Variants in DYRK4 observed in about 807,000 individuals in gnomAD.
DYRK4 encodes dual specificity tyrosine-phosphorylation-regulated kinase 4.
A neutral mutation model predicts 68.3 loss-of-function variants in DYRK4; 64 were observed. The observed-to-expected ratio is 0.94, with a 90% confidence interval of 0.77 to 1.15. The LOEUF (loss-of-function observed/expected upper bound fraction) is 1.15, where lower values mean the gene tolerates loss of function less well. Ranked by LOEUF, DYRK4 falls within the 50% of genes most tolerant of loss-of-function variation. The pLI, the probability that DYRK4 is intolerant of heterozygous loss-of-function variation, is 0.00. For synonymous variants in DYRK4, 274 were observed against 289.9 expected (o/e 0.95, Z 0.56); for missense variants, 740 against 764.7 (o/e 0.97, Z 0.38).
chr12:4,563,837 G>A (rs977366080), intron 1 of DYRK4, among the ~76,000 whole-genome samples: 1 of 152,228 alleles, frequency 6.6e-6, no homozygotes, highest in African/African-American at 2.4e-5. Context: ...AGGATAGCAA[G>A]GATCAGTGGA....
chr12:4,603,788 T>A (rs1288304083), intron 10 of DYRK4, among the ~76,000 whole-genome samples: 1 of 152,260 alleles, frequency 6.6e-6, no homozygotes, highest in Non-Finnish European at 1.5e-5. Context: ...TCTCAGATGT[T>A]GAAAGCTGTG....
At position 4,588,947 on chromosome 12, in the gene DYRK4, A is replaced by C; in HGVS notation, c.143A>C (p.Lys48Thr). The change falls in exon 3 of 15, where the codon AAA (lysine) becomes ACA (threonine). Residue 48 changes from lysine (K) to threonine (T), a missense_variant. This residue lies in a region of DYRK4 where 70 missense variants were observed against 71.1 expected (regional missense o/e 0.98). Coordinates refer to ENST00000543431, the MANE Select transcript of DYRK4 (RefSeq NM_001394779.1). Reference sequence around the variant, plus strand: ...TTCCACTTGATCCAGGTTGGAAGTAAACTTTCGGTTCAGATCCAGAAGCCA... The same window carrying C: ...TTCCACTTGATCCAGGTTGGAAGTACACTTTCGGTTCAGATCCAGAAGCCA... ...QKFTSAKVGS[K>T]LSVQIQKPPS... 6.5e-7 allele frequency: 1 copy of C among 1,536,054 alleles called. No individual in the cohort carries two copies. Among genetic ancestry groups the C allele is most frequent in the Non-Finnish European group, 8.7e-7 (1 of 1,146,876 alleles).
intron 9 of DYRK4, 109 bp downstream of exon 9, chr12:4,599,275 T>TG: frequency 1.5e-6 from 1 of 646,054 alleles, no homozygotes; most frequent in Non-Finnish European, 2.2e-6. Flanking sequence ...TTTGACTTTT[T>TG]TTTTTTTTTT....
intron 2 of DYRK4, among the ~76,000 whole-genome samples, chr12:4,582,265 A>G (rs1369611286): frequency 6.6e-6 from 1 of 152,032 alleles, no homozygotes; most frequent in Non-Finnish European, 1.5e-5. Context: ...ACCAACATAG[A>G]GAAACCCCAT....
intron 13 of DYRK4, among the ~76,000 whole-genome samples, chr12:4,610,687 A>C (rs1371748360): frequency 6.6e-6 from 1 of 152,190 alleles, no homozygotes; most frequent in Non-Finnish European, 1.5e-5. Context: ...AATGATTTGC[A>C]TACACATCCA....
At chr12:4,572,412 G>A (rs1055894746) in intron 2 of DYRK4, among the ~76,000 whole-genome samples, 1 of 152,154 alleles carries the variant, frequency 6.6e-6, no homozygotes, top group Non-Finnish European at 1.5e-5. Context: ...CTCCGGAGTA[G>A]CTGGGACTAC....
At chr12:4,596,524 C>G (rs549665520) in intron 7 of DYRK4, 65 bp from the exon 8 acceptor site, 10 of 1,571,110 alleles carry the variant, frequency 6.4e-6, no homozygotes, top group Admixed American at 1.9e-5. Context: ...ACTGCTGCAG[C>G]GGGACCTGAC....
intron 13 of DYRK4, 101 bp from the exon 14 acceptor site, chr12:4,612,442 C>A: frequency 1.6e-6 from 2 of 1,259,798 alleles, no homozygotes; most frequent in Non-Finnish European, 2.2e-6. Context: ...TTTGAGATAT[C>A]AACATAGCTT....
Position 4,613,225 on chromosome 12 carries a change from T to G in DYRK4, c.1667-290T>G, listed in dbSNP as rs947033104. On this transcript the variant is annotated intron_variant, in intron 14 of 14. Coordinates refer to ENST00000543431, the MANE Select transcript of DYRK4 (RefSeq NM_001394779.1). The surrounding 1 kb of genome is among the most constrained non-coding windows in gnomAD (Gnocchi z 4.0). ...GAGTCAGGTTACCTGGGGATTAAAT[T>G]CTGGTTCTACCACTTATCAGGTGTG... is the stretch of plus-strand genomic sequence containing the variant. Among the ~76,000 whole-genome samples the G allele has an allele frequency of 4.6e-5, 7 of 152,182 alleles. No homozygotes were observed. The highest frequency in any genetic ancestry group is 1.7e-4 in the African/African-American group (7 of 41,448).
chr12:4,581,791 T>C (rs1406636787), intron 2 of DYRK4, among the ~76,000 whole-genome samples: 1 of 152,156 alleles, frequency 6.6e-6, no homozygotes, highest in East Asian at 1.9e-4. Context: ...TCCTCCTCCT[T>C]TAGCAAATAT....
Position 4,593,017 on chromosome 12 carries a change from T to A in DYRK4, c.479T>A (p.Phe160Tyr). Residue 160 changes from phenylalanine (F) to tyrosine (Y), a missense_variant, in exon 6 of 15, where the codon TTT (phenylalanine) becomes TAT (tyrosine). This residue lies in a region of DYRK4 where 614 missense variants were observed against 603.7 expected (regional missense o/e 1.02). Transcript: ENST00000543431. ...TLTAAEALKL[F>Y]KNQLSPYEQS... is the part of the protein sequence containing the mutation. ...TTTCACACAGAGGCCCTAAAGCTTT[T>A]TAAGAACCAGCTGTCTCCATATGAA... 6.2e-7 allele frequency: 1 copy of A among 1,613,994 alleles called. No homozygotes were observed.
At chr12:4,590,127 C>G (rs1944936808) in intron 3 of DYRK4, 1 of 1,325,044 alleles carries the variant, frequency 7.5e-7, no homozygotes. Context: ...AGCAGGGACT[C>G]AAACCCAGAG....
At chr12:4,571,625 G>A (rs1316185966) in intron 2 of DYRK4, among the ~76,000 whole-genome samples, 1 of 152,070 alleles carries the variant, frequency 6.6e-6, no homozygotes, top group Non-Finnish European at 1.5e-5. Context: ...ATATCGTATT[G>A]TAGTTTATAT....
chr12:4,590,280 C>A, intron 3 of DYRK4, 50 bp from the exon 4 acceptor site: 1 of 1,500,208 alleles, frequency 6.7e-7, no homozygotes, highest in South Asian at 1.3e-5. Context: ...CCCCTGGAGA[C>A]GTTTTCTTGC....
intron 10 of DYRK4, 97 bp from the exon 11 acceptor site, chr12:4,604,817 G>C: frequency 7.1e-7 from 1 of 1,411,440 alleles, no homozygotes; most frequent in Non-Finnish European, 9.3e-7. Context: ...TTCACTGCCA[G>C]CGGGGGCGCA....
At chr12:4,598,111 TCA>T (rs2137379942) in intron 8 of DYRK4, among the ~76,000 whole-genome samples, 1 of 152,206 alleles carries the variant, frequency 6.6e-6, no homozygotes, top group African/African-American at 2.4e-5. Flanking sequence ...GTATGGTGAC[TCA>T]CACCTGTAAT....
At chr12:4,563,110 C>T (rs1944644901) in intron 1 of DYRK4, 1 of 456,068 alleles carries the variant, frequency 2.2e-6, no homozygotes, top group Non-Finnish European at 4.4e-6. Context: ...AAAGTTCAAA[C>T]CGTGGAAACA....
At chr12:4,604,788 T>C (rs535547095) in intron 10 of DYRK4, 126 bp from the exon 11 acceptor site, 5 of 1,200,160 alleles carry the variant, frequency 4.2e-6, no homozygotes, top group East Asian at 2.8e-5. Flanking sequence ...TTCTAAGTGC[T>C]GGCCAGCTGC....
At chr12:4,585,234 T>C (rs1470798683) in intron 2 of DYRK4, among the ~76,000 whole-genome samples, 2 of 152,198 alleles carry the variant, frequency 1.3e-5, no homozygotes, top group Admixed American at 1.3e-4. Context: ...TCCCTTCTCT[T>C]GATTCCCACA....
Sources: gnomAD v4.1 joint callset for allele counts (sites outside exome capture counted in the v4.1 genomes callset) on GRCh38, gnomAD v4.1.1 for gene constraint, gnomAD v4.1.1 regional missense constraint, Gnocchi (gnomAD v3.1) non-coding constraint, MANE v1.5 for transcripts, NCBI Gene and HGNC (gene_info 2026-07-23, HGNC 2026-07-21) for gene names.